Variants in SLC30A8 observed in about 807,000 individuals in gnomAD.
The protein encoded by SLC30A8 is solute carrier family 30 member 8, also known as proton-coupled zinc antiporter SLC30A8.
In SLC30A8, 27 loss-of-function variants were observed where a neutral mutation model predicts 36.9. That is an observed-to-expected ratio of 0.73 (90% CI 0.54 to 1.01). The LOEUF is 1.01. Ranked by LOEUF, SLC30A8 falls within the 50% of genes least tolerant of loss-of-function variation. The pLI is 0.00. For synonymous variants in SLC30A8, 164 were observed against 172.4 expected, an observed-to-expected ratio of 0.95 and a Z score of 0.38; for missense variants, 439 against 452.0, an observed-to-expected ratio of 0.97 and a Z score of 0.26.
chr8:117,082,956 T>C (rs1372514778), intron 2 of SLC30A8, among the ~76,000 whole-genome samples: 3 of 152,140 alleles, frequency 2.0e-5, no homozygotes, highest in Admixed American at 6.5e-5. Context: ...TACAAAGTCA[T>C]TGGATGCCAA....
rs111443826 is a variant in SLC30A8 at position 117,031,573 on chromosome 8, G to A, written c.-265-7646G>A. 3.0e-3 allele frequency among the ~76,000 whole-genome samples: 451 copies of A among 151,672 alleles called. 5 individuals carry two copies. The highest frequency in any genetic ancestry group is 0.01 in the African/African-American group (418 of 41,302). On this transcript the variant is annotated intron_variant, in intron 1 of 10. Coordinates refer to the SLC30A8 transcript ENST00000427715. ...CCTCCTGGGTTCAAGCGATTCTCCC[G>A]CCTCAGCCTCCCGAGTAGCTGGGAT...
In SLC30A8 at chr8:117,160,446, T is replaced by TGTGTGTGTGTGCGC. The variant is rs150458118; in HGVS notation, c.573-1291_573-1290insTGTGTGTGTGCGCG. Among the ~76,000 whole-genome samples the TGTGTGTGTGTGCGC allele has an allele frequency of 1.3e-4, 19 of 144,616 alleles. No individual in the cohort carries two copies. The South Asian group carries it at 1.8e-3, about 14-fold the overall frequency. The allele number at this position is 144,616 out of a possible 152,430, so 94.9% of individuals were successfully genotyped here. ...GTGTGTGTGTGTGTGCGCGCACATG[T>TGTGTGTGTGTGCGC]GCGCGCGGTGGGGGAGTGGGGTGTT... On this transcript the variant is annotated intron_variant, in intron 4 of 7. Transcript: ENST00000456015.
At chr8:117,011,816 A>G (rs1216511994) in intron 1 of SLC30A8, among the ~76,000 whole-genome samples, 2 of 152,246 alleles carry the variant, frequency 1.3e-5, no homozygotes, top group African/African-American at 2.4e-5. Context: ...AAACATAAGC[A>G]GGACTACTAC....
intron 3 of SLC30A8, among the ~76,000 whole-genome samples, chr8:117,155,985 T>G (rs143085449): frequency 6.6e-6 from 1 of 152,244 alleles, no homozygotes; most frequent in African/African-American, 2.4e-5. Flanking sequence ...TTAACTAACT[T>G]AATCTGCAGT....
chr8:117,097,972 T>C (rs1819525351), intron 2 of SLC30A8, among the ~76,000 whole-genome samples: 1 of 121,098 alleles, frequency 8.3e-6, no homozygotes, highest in East Asian at 2.2e-4. Context: ...ATTAAATAAA[T>C]AATAAATTTA....
intron 1 of SLC30A8, among the ~76,000 whole-genome samples, chr8:116,955,428 G>A (rs1814160044): frequency 6.6e-6 from 1 of 151,970 alleles, no homozygotes; most frequent in South Asian, 2.1e-4. Flanking sequence ...GCACCTACAA[G>A]CCAGGGAATG....
chr8:117,112,716 CT>C lies in SLC30A8; in HGVS notation c.-225-22563del, dbSNP rs1820281503. On this transcript the variant is annotated intron_variant, in intron 2 of 10. Transcript: ENST00000427715. ...TTACTTGTAGGGCCATGAAGATTCTCTGATGGATGCAATTGCATAAGAAAAT... is the reference window on the plus strand; with the variant it reads ...TTACTTGTAGGGCCATGAAGATTCTCGATGGATGCAATTGCATAAGAAAAT... Among the ~76,000 whole-genome samples the C allele has an allele frequency of 2.6e-5, 4 of 152,254 alleles. No homozygotes were observed. In the South Asian group the frequency reaches 8.3e-4, roughly 32 times the overall value.
intron 2 of SLC30A8, among the ~76,000 whole-genome samples, chr8:117,121,501 G>A (rs1160223440): frequency 6.6e-6 from 1 of 151,888 alleles, no homozygotes; most frequent in Non-Finnish European, 1.5e-5. Flanking sequence ...GTGCCTTCTT[G>A]TTGTGTCCTC....
intron 2 of SLC30A8, among the ~76,000 whole-genome samples, chr8:117,099,049 A>G (rs1381400284): frequency 6.6e-6 from 1 of 152,168 alleles, no homozygotes. Context: ...GCAGAGAGGG[A>G]ATCAATTTAT....
chr8:116,983,736 A>C (rs1038244451), intron 1 of SLC30A8, among the ~76,000 whole-genome samples: 2 of 151,530 alleles, frequency 1.3e-5, no homozygotes, highest in Non-Finnish European at 2.9e-5. Flanking sequence ...ATTTGATTCC[A>C]TGTATCATTC....
chr8:116,976,724 G>A (rs1018471080), intron 1 of SLC30A8, among the ~76,000 whole-genome samples: 1 of 152,022 alleles, frequency 6.6e-6, no homozygotes, highest in South Asian at 2.1e-4. Context: ...CTGGGGTAGG[G>A]GGGTCTTACA....
chr8:117,133,768 C>G (rs1821234312), upstream of SLC30A8, among the ~76,000 whole-genome samples: 1 of 151,906 alleles, frequency 6.6e-6, no homozygotes, highest in African/African-American at 2.4e-5. Context: ...TAACTGATTA[C>G]TTTGTAAGGT....
At chr8:117,074,012 A>T (rs1011605194) in intron 2 of SLC30A8, among the ~76,000 whole-genome samples, 4 of 106,708 alleles carry the variant, frequency 3.7e-5, no homozygotes, top group Non-Finnish European at 5.1e-5. Flanking sequence ...GCAGCATCGT[A>T]CTTGGTTAAT....
intron 2 of SLC30A8, among the ~76,000 whole-genome samples, chr8:117,085,699 T>C (rs73315659): frequency 0.095 from 14,433 of 152,124 alleles, 1,119 homozygotes; most frequent in African/African-American, 0.22. Context: ...CTCAAGACAA[T>C]CCTAGCAGGT....
chr8:117,054,954 T>C (rs1817825032), intron 2 of SLC30A8, among the ~76,000 whole-genome samples: 1 of 152,102 alleles, frequency 6.6e-6, no homozygotes. Context: ...TGGTTTCTAG[T>C]GTAAAAAGGG....
At position 117,174,689 on chromosome 8, in the gene SLC30A8, G is replaced by C. The variant is rs1367432674; in HGVS notation, c.*2008G>C. 1 of 152,450 alleles carries C rather than the reference G, an allele frequency of 6.6e-6. No homozygotes were observed. The highest frequency in any genetic ancestry group is 1.5e-5 in the Non-Finnish European group (1 of 67,994). 9.4% of individuals were successfully genotyped at this position (152,450 alleles called of 1,614,324 possible). A position where few individuals can be genotyped will look rare whatever the true frequency, so the allele number is the denominator to read the frequency against. Reference sequence around the variant, plus strand: ...TAATTCTTTGCTTCTGCTTCTTTTTGAAAATCATGTTTAGATTTGATTTTA... The same window carrying C: ...TAATTCTTTGCTTCTGCTTCTTTTTCAAAATCATGTTTAGATTTGATTTTA... On this transcript the variant is annotated 3_prime_UTR_variant, in exon 8 of 8. Transcript: ENST00000456015.
intron 2 of SLC30A8, among the ~76,000 whole-genome samples, chr8:117,093,086 G>A (rs757152765): frequency 8.6e-5 from 13 of 151,922 alleles, no homozygotes; most frequent in Non-Finnish European, 1.5e-4. Flanking sequence ...TCTTAAAAAA[G>A]AACAGGATCT....
At chr8:117,096,864 C>T (rs1435134091) in intron 2 of SLC30A8, among the ~76,000 whole-genome samples, 1 of 152,068 alleles carries the variant, frequency 6.6e-6, no homozygotes, top group African/African-American at 2.4e-5. Flanking sequence ...CACCTCTCCC[C>T]ACCTCCCACT....
At chr8:117,009,504 A>G (rs1478915795) in intron 1 of SLC30A8, among the ~76,000 whole-genome samples, 1 of 152,150 alleles carries the variant, frequency 6.6e-6, no homozygotes, top group Non-Finnish European at 1.5e-5. Flanking sequence ...GGCATTGGCA[A>G]TTTTGTGATC....
Sources: gnomAD v4.1 joint callset for allele counts (sites outside exome capture counted in the v4.1 genomes callset) on GRCh38, gnomAD v4.1.1 for gene constraint, MANE v1.5 for transcripts, NCBI Gene and HGNC (gene_info 2026-07-23, HGNC 2026-07-21) for gene names.